MAF: variants seen among roughly 807,000 people sequenced by gnomAD.
MAF encodes the protein transcription factor Maf.
MAF carries 10 observed loss-of-function variants against 22.0 expected under a neutral mutation model. The ratio of observed to expected loss-of-function variants is 0.45; its 90% CI spans 0.28 to 0.77. The LOEUF is 0.77. Ranked by LOEUF, MAF falls within the 30% of genes least tolerant of loss-of-function variation. The pLI is 0.12. For missense variants in MAF, 544 were observed against 548.4 expected, an observed-to-expected ratio of 0.99 and a Z score of 0.08; for synonymous variants, 337 against 255.8, an observed-to-expected ratio of 1.32 and a Z score of -3.03.
the MAF span, among the ~76,000 whole-genome samples, chr16:79,263,089 C>T: frequency 3.9e-5 from 6 of 152,186 alleles, no homozygotes; most frequent in African/African-American, 1.4e-4. Flanking sequence ...GTCATCAACA[C>T]TCTTTTACCA....
chr16:79,309,422 C>A, the MAF span, among the ~76,000 whole-genome samples: 1 of 152,212 alleles, frequency 6.6e-6, no homozygotes, highest in Non-Finnish European at 1.5e-5. Flanking sequence ...TACCCCACTT[C>A]TTTTCTGCTA....
At chr16:79,308,841 A>G in the MAF span, among the ~76,000 whole-genome samples, 1 of 152,250 alleles carries the variant, frequency 6.6e-6, no homozygotes, top group South Asian at 2.1e-4. Context: ...GGTCCTCTCC[A>G]TGGTCCACGC....
chr16:79,388,854 C>G, the MAF span, among the ~76,000 whole-genome samples: 4 of 152,152 alleles, frequency 2.6e-5, no homozygotes, highest in East Asian at 5.8e-4. Context: ...AAGTGACTTG[C>G]TCAACAGTAC....
At chr16:79,238,180 C>G in the MAF span, among the ~76,000 whole-genome samples, 1 of 152,114 alleles carries the variant, frequency 6.6e-6, no homozygotes, top group Non-Finnish European at 1.5e-5. Flanking sequence ...ACCCTTGCCT[C>G]TAGTATCCTG....
chr16:79,459,592 A>G, the MAF span, among the ~76,000 whole-genome samples: 6 of 151,264 alleles, frequency 4.0e-5, no homozygotes, highest in Non-Finnish European at 7.4e-5. Context: ...TTTTTTTTAA[A>G]GACAGGGTGT....
the MAF span, among the ~76,000 whole-genome samples, chr16:79,551,294 G>A: frequency 1.3e-5 from 2 of 152,060 alleles, no homozygotes; most frequent in African/African-American, 4.8e-5. Context: ...GCAGGAAGAG[G>A]CACCCAAGGC....
the MAF span, among the ~76,000 whole-genome samples, chr16:79,354,199 C>A: frequency 6.6e-6 from 1 of 151,830 alleles, no homozygotes; most frequent in African/African-American, 2.4e-5. Flanking sequence ...TGCCATGTTG[C>A]CCAGACTGCT....
chr16:79,351,861 T>G, the MAF span, among the ~76,000 whole-genome samples: 9 of 152,252 alleles, frequency 5.9e-5, no homozygotes, highest in East Asian at 1.5e-3. Context: ...ATGGATGGGC[T>G]TCCTCCAGGG....
the MAF span, among the ~76,000 whole-genome samples, chr16:79,429,985 TA>T: frequency 1.3e-5 from 2 of 152,206 alleles, no homozygotes; most frequent in Admixed American, 6.5e-5. Context: ...ACATAGATCC[TA>T]CCGACATCTT....
At chr16:79,459,249 A>C in the MAF span, among the ~76,000 whole-genome samples, 2 of 152,180 alleles carry the variant, frequency 1.3e-5, no homozygotes, top group Non-Finnish European at 2.9e-5. Flanking sequence ...GAAAGCAAAA[A>C]ACAAAAGATA....
At chr16:79,255,628 C>T in the MAF span, among the ~76,000 whole-genome samples, 1 of 152,184 alleles carries the variant, frequency 6.6e-6, no homozygotes, top group African/African-American at 2.4e-5. Context: ...CCCTTCTAAA[C>T]TCTTGGTCTG....
chr16:79,224,356 A>T, the MAF span, among the ~76,000 whole-genome samples: 3 of 152,344 alleles, frequency 2.0e-5, no homozygotes, highest in East Asian at 5.8e-4. Flanking sequence ...GATGGAACGT[A>T]TCTCAAAATA....
the MAF span, among the ~76,000 whole-genome samples, chr16:79,217,555 C>T: frequency 6.6e-6 from 1 of 152,228 alleles, no homozygotes; most frequent in African/African-American, 2.4e-5. Flanking sequence ...CCTGTTCTGA[C>T]TGTAAGTTGG....
At chr16:79,238,714 G>T in the MAF span, among the ~76,000 whole-genome samples, 3,026 of 152,040 alleles carry the variant, frequency 0.02, 58 homozygotes, top group Middle Eastern at 0.071. Flanking sequence ...TACAGTATGG[G>T]ATATACTTCT....
chr16:79,210,909 G>A, the MAF span, among the ~76,000 whole-genome samples: 1 of 152,132 alleles, frequency 6.6e-6, no homozygotes, highest in Non-Finnish European at 1.5e-5. Flanking sequence ...GGGAGGAAAT[G>A]TACCCCCTTA....
At chr16:79,380,312 C>T in the MAF span, among the ~76,000 whole-genome samples, 1 of 152,162 alleles carries the variant, frequency 6.6e-6, no homozygotes, top group Non-Finnish European at 1.5e-5. Flanking sequence ...ATACCACCTA[C>T]CTCAAGGGCA....
At chr16:79,533,927 C>T in the MAF span, among the ~76,000 whole-genome samples, 1 of 152,152 alleles carries the variant, frequency 6.6e-6, no homozygotes, top group African/African-American at 2.4e-5. Flanking sequence ...CCAGGGTGCC[C>T]AGAGACAACA....
the MAF span, among the ~76,000 whole-genome samples, chr16:79,291,781 G>C: frequency 6.8e-6 from 1 of 146,186 alleles, no homozygotes; most frequent in African/African-American, 2.6e-5. Flanking sequence ...GTACATACTA[G>C]ATGGTAGGAA....
At chr16:79,432,157 G>C in the MAF span, among the ~76,000 whole-genome samples, 1 of 152,184 alleles carries the variant, frequency 6.6e-6, no homozygotes, top group Non-Finnish European at 1.5e-5. Flanking sequence ...GATAGTGAGT[G>C]AGTTCTCATG....
Sources: allele counts gnomAD v4.1 joint callset (sites outside exome capture counted in the v4.1 genomes callset), GRCh38; gene constraint gnomAD v4.1.1; transcripts MANE v1.5; gene names NCBI Gene and HGNC (gene_info 2026-07-23, HGNC 2026-07-21).